TANC2: variants seen among roughly 807,000 people sequenced by gnomAD.
The protein encoded by TANC2 is protein TANC2.
TANC2 carries 26 observed loss-of-function variants against 210.5 expected under a neutral mutation model. The ratio of observed to expected loss-of-function variants is 0.12; its 90% CI spans 0.09 to 0.17. TANC2 has a LOEUF of 0.17. Among genes scored for constraint, TANC2 ranks in the 10% least tolerant of loss-of-function variants. The pLI is 1.00. For synonymous variants in TANC2, 931 were observed against 967.1 expected (o/e 0.96, Z 0.69); for missense variants, 2,129 against 2,608.9 (o/e 0.82, Z 4.01).
At chr17:62,989,031 C>A (rs1234206868) in intron 1 of TANC2, among the ~76,000 whole-genome samples, 4 of 152,192 alleles carry the variant, frequency 2.6e-5, no homozygotes, top group Non-Finnish European at 5.9e-5. Flanking sequence ...TTTACTTAAA[C>A]CTCTAAATAA....
chr17:63,325,674 A>G (rs1279378849), intron 11 of TANC2, among the ~76,000 whole-genome samples: 4 of 152,344 alleles, frequency 2.6e-5, no homozygotes, highest in Middle Eastern at 3.4e-3. Context: ...AGTTCAATTA[A>G]TATTTGTGAA....
chr17:63,095,897 A>C lies in TANC2; in HGVS notation c.140-3278A>C, dbSNP rs1261352073. ...TTTAAGCAGAAAAGTAAAGTAGGAC[A>C]GCCAAACTGGACTAATTGCAGTATT... On this transcript the variant is annotated intron_variant, in intron 3 of 27. Transcript: ENST00000689528. Among the ~76,000 whole-genome samples, 6 of 152,336 alleles carry C rather than the reference A, an allele frequency of 3.9e-5. No individual in the cohort carries two copies. In the East Asian group the frequency reaches 1.2e-3, roughly 29 times the overall value.
rs566056786 is a variant in TANC2, at chr17:63,267,698, A to G, written c.1034-50A>G. ...GTTCCGGAGATACAGACTAGCTGAAAGACATTTTCTGAACTTAAATATTCT... is the reference window on the plus strand; with the variant it reads ...GTTCCGGAGATACAGACTAGCTGAAGGACATTTTCTGAACTTAAATATTCT... On this transcript the variant is annotated intron_variant, in intron 8 of 27. Coordinates refer to ENST00000689528, the Ensembl canonical transcript of TANC2. The G allele has an allele frequency of 3.1e-6, 5 of 1,589,190 alleles. No individual in the cohort carries two copies. The East Asian group carries it at 1.1e-4, about 36-fold the overall frequency.
chr17:63,018,952 G>T (rs1227410198), intron 2 of TANC2, among the ~76,000 whole-genome samples: 1 of 152,142 alleles, frequency 6.6e-6, no homozygotes, highest in East Asian at 1.9e-4. Flanking sequence ...ACCCTTTGAA[G>T]GACAGCTGAA....
intron 11 of TANC2, chr17:63,332,177 A>T: frequency 2.7e-6 from 1 of 374,446 alleles, no homozygotes; most frequent in East Asian, 8.4e-5. Flanking sequence ...GCAAAGCCAC[A>T]CACTGTTTTT....
At chr17:62,975,046 A>G (rs1170118122) in intron 1 of TANC2, among the ~76,000 whole-genome samples, 1 of 152,168 alleles carries the variant, frequency 6.6e-6, no homozygotes, top group Non-Finnish European at 1.5e-5. Context: ...CCAGTTTTTT[A>G]CTGCCATGGA....
At chr17:63,064,174 G>A (rs1053633381) in intron 2 of TANC2, among the ~76,000 whole-genome samples, 1 of 152,136 alleles carries the variant, frequency 6.6e-6, no homozygotes, top group Admixed American at 6.5e-5. Flanking sequence ...AAATACTGGG[G>A]CCAGGCACAG....
chr17:63,382,113 T>G (rs912459581), intron 15 of TANC2, among the ~76,000 whole-genome samples: 1 of 152,190 alleles, frequency 6.6e-6, no homozygotes, highest in South Asian at 2.1e-4. Context: ...TCAACTCCAC[T>G]AACCAGAAGA....
chr17:63,068,066 CGA>C, intron 2 of TANC2, among the ~76,000 whole-genome samples: 1 of 152,078 alleles, frequency 6.6e-6, no homozygotes, highest in Admixed American at 6.5e-5. Flanking sequence ...GAAAGCAGCC[CGA>C]GAGAAATAAC....
chr17:63,004,391 C>T (rs1414875586), intron 1 of TANC2, among the ~76,000 whole-genome samples: 3 of 152,048 alleles, frequency 2.0e-5, no homozygotes, highest in African/African-American at 4.8e-5. Flanking sequence ...TTTCATACCA[C>T]GTGGCATTTG....
chr17:63,368,408 C>T (rs967935609), intron 14 of TANC2, among the ~76,000 whole-genome samples: 2 of 152,144 alleles, frequency 1.3e-5, no homozygotes, highest in African/African-American at 4.8e-5. Flanking sequence ...GCAGCTATAA[C>T]TTTGTGCATT....
intron 3 of TANC2, among the ~76,000 whole-genome samples, chr17:63,090,757 C>G (rs375653826): frequency 6.6e-6 from 1 of 152,136 alleles, no homozygotes. Flanking sequence ...GGTATTTCTA[C>G]TTCTAGATCC....
At chr17:63,133,010 GTC>G (rs2038970363) in intron 4 of TANC2, among the ~76,000 whole-genome samples, 1 of 152,150 alleles carries the variant, frequency 6.6e-6, no homozygotes. Context: ...TGCTTGTTCT[GTC>G]TCTCAGGCTG....
chr17:63,163,246 C>G (rs1214814974), intron 5 of TANC2, among the ~76,000 whole-genome samples: 1 of 151,982 alleles, frequency 6.6e-6, no homozygotes, highest in African/African-American at 2.4e-5. Context: ...AGGTTATGGA[C>G]AGTTTGTAGT....
At chr17:63,305,600 A>G (rs1405290337) in intron 9 of TANC2, 1 of 152,142 alleles carries the variant, frequency 6.6e-6, no homozygotes, top group African/African-American at 2.4e-5. Context: ...TCCTTTCTCT[A>G]AGAGTTTGCA....
chr17:63,091,494 C>G (rs1404404217), intron 3 of TANC2, among the ~76,000 whole-genome samples: 2 of 152,118 alleles, frequency 1.3e-5, no homozygotes, highest in South Asian at 2.1e-4. Flanking sequence ...TTGTTTTTCT[C>G]AGGTTTGTCA....
intron 2 of TANC2, among the ~76,000 whole-genome samples, chr17:63,045,024 G>A (rs1284932006): frequency 1.3e-5 from 2 of 152,106 alleles, no homozygotes; most frequent in Non-Finnish European, 2.9e-5. Context: ...TGTGAGCTAA[G>A]GATGGTTTTC....
chr17:63,307,611 T>C (rs2044965207), intron 9 of TANC2, among the ~76,000 whole-genome samples: 1 of 152,216 alleles, frequency 6.6e-6, no homozygotes, highest in Admixed American at 6.5e-5. Flanking sequence ...AGGGCTTGTA[T>C]GAGTATAGAA....
At chr17:62,994,862 A>G (rs1255932972) in intron 1 of TANC2, among the ~76,000 whole-genome samples, 1 of 152,232 alleles carries the variant, frequency 6.6e-6, no homozygotes, top group Non-Finnish European at 1.5e-5. Flanking sequence ...ATTGTGATAC[A>G]TCTTCCTCTG....
Sources: gnomAD v4.1 joint callset for allele counts (sites outside exome capture counted in the v4.1 genomes callset) on GRCh38, gnomAD v4.1.1 for gene constraint, MANE v1.5 for transcripts, NCBI Gene and HGNC (gene_info 2026-07-23, HGNC 2026-07-21) for gene names.